Variants in NKAIN3 observed in about 807,000 individuals in gnomAD.
The protein encoded by NKAIN3 is sodium/potassium transporting ATPase interacting 3.
NKAIN3 carries 25 observed loss-of-function variants against 30.2 expected under a neutral mutation model. The ratio of observed to expected loss-of-function variants is 0.83; its 90% confidence interval spans 0.60 to 1.16. NKAIN3 has a LOEUF of 1.16. Ranked by LOEUF, NKAIN3 falls within the 50% of genes most tolerant of loss-of-function variation. NKAIN3 has a pLI of 0.00. For missense variants in NKAIN3, 225 were observed against 254.1 expected (o/e 0.89, Z 0.78); for synonymous variants, 91 against 89.6 (o/e 1.02, Z -0.09).
At position 62,305,542 on chromosome 8, in the gene NKAIN3, G is replaced by A. The variant is rs1043691173; in HGVS notation, c.54+56415G>A. Among the ~76,000 whole-genome samples the A allele has an allele frequency of 3.3e-5, 5 of 150,382 alleles. 1 individual carries two copies. Among genetic ancestry groups the A allele is most frequent in the African/African-American group, 1.3e-4 (5 of 39,870 alleles). On this transcript the variant is annotated intron_variant, in intron 1 of 6. Transcript: ENST00000623646. Reference sequence around the variant, plus strand: ...TTGACAAATGCATTCCTAGAGAATCGCTATTTTTAAAACTCAAGTTTCAAC... The same window carrying A: ...TTGACAAATGCATTCCTAGAGAATCACTATTTTTAAAACTCAAGTTTCAAC...
At chr8:62,634,429 G>A (rs1812064092) in intron 3 of NKAIN3, among the ~76,000 whole-genome samples, 1 of 152,116 alleles carries the variant, frequency 6.6e-6, no homozygotes, top group Admixed American at 6.5e-5. Context: ...ATTTGAGACT[G>A]ACCTCCCTTC....
intron 4 of NKAIN3, among the ~76,000 whole-genome samples, chr8:62,892,457 T>C (rs1821322116): frequency 6.6e-6 from 1 of 152,230 alleles, no homozygotes; most frequent in African/African-American, 2.4e-5. Flanking sequence ...TAATGAAGTA[T>C]GAATTAGTTA....
chr8:62,742,540 C>A (rs1251694692), intron 3 of NKAIN3, among the ~76,000 whole-genome samples: 2 of 152,154 alleles, frequency 1.3e-5, no homozygotes, highest in African/African-American at 4.8e-5. Context: ...TATTCTGCTA[C>A]CCTGGACATA....
chr8:62,383,673 C>T (rs542793452), intron 1 of NKAIN3: 79 of 383,770 alleles, frequency 2.1e-4, no homozygotes, highest in East Asian at 9.3e-4. Context: ...CTCCAACTTT[C>T]GGTCCTTCAC....
intron 3 of NKAIN3, among the ~76,000 whole-genome samples, chr8:62,647,087 G>T (rs1291272667): frequency 2.0e-5 from 3 of 152,080 alleles, no homozygotes; most frequent in African/African-American, 7.2e-5. Flanking sequence ...GAAGACAAAC[G>T]TTGAGATTCA....
intron 5 of NKAIN3, among the ~76,000 whole-genome samples, chr8:62,922,454 T>A (rs1822308679): frequency 6.6e-6 from 1 of 152,182 alleles, no homozygotes; most frequent in Non-Finnish European, 1.5e-5. Context: ...TTTTCCAACT[T>A]ATAATGTATG....
chr8:62,339,722 G>T (rs10107996), intron 1 of NKAIN3, among the ~76,000 whole-genome samples: 1 of 151,904 alleles, frequency 6.6e-6, no homozygotes, highest in African/African-American at 2.4e-5. Context: ...CCTAAGAGGC[G>T]TCAGAAATCA....
At chr8:62,660,107 A>C (rs188729337) in intron 3 of NKAIN3, among the ~76,000 whole-genome samples, 2 of 152,186 alleles carry the variant, frequency 1.3e-5, no homozygotes, top group Admixed American at 1.3e-4. Context: ...ACCTAGAGCC[A>C]CTCCCAAGTT....
Position 62,974,771 on chromosome 8 carries a change from C to T in NKAIN3, c.*9364C>T, listed in dbSNP as rs1823908005. 1.3e-5 allele frequency among the ~76,000 whole-genome samples: 2 copies of T among 152,106 alleles called. No individual in the cohort carries two copies. Among genetic ancestry groups the T allele is most frequent in the South Asian group, 2.1e-4 (1 of 4,826 alleles). On this transcript the variant is annotated 3_prime_UTR_variant, in exon 7 of 7. Coordinates refer to ENST00000623646, the MANE Select transcript of NKAIN3 (RefSeq NM_001304533.3). ...CAAAGGGAGTGCTTCCAGTTTTTGC[C>T]CATTCAGTGTGATATTGGCTGTGGG...
intron 1 of NKAIN3, among the ~76,000 whole-genome samples, chr8:62,527,882 G>GGTGTGTGTGTGTGTGTGT (rs68020312): frequency 6.3e-5 from 9 of 143,690 alleles, no homozygotes; most frequent in Non-Finnish European, 7.6e-5. Flanking sequence ...ACTTTTTTTT[G>GGTGTGTGTGTGTGTGTGT]GTGTGTGTGT....
chr8:62,250,720 T>C (rs1408568959), intron 1 of NKAIN3, among the ~76,000 whole-genome samples: 2 of 152,224 alleles, frequency 1.3e-5, no homozygotes, highest in Non-Finnish European at 2.9e-5. Context: ...ATTGTGATGA[T>C]AATGTTTTTG....
chr8:62,725,074 T>A (rs1815213487), intron 3 of NKAIN3, among the ~76,000 whole-genome samples: 1 of 152,266 alleles, frequency 6.6e-6, no homozygotes, highest in East Asian at 1.9e-4. Flanking sequence ...ATAAGCCATT[T>A]TAACTGGAGT....
At chr8:62,675,902 C>A (rs1164178740) in intron 3 of NKAIN3, among the ~76,000 whole-genome samples, 1 of 152,178 alleles carries the variant, frequency 6.6e-6, no homozygotes, top group African/African-American at 2.4e-5. Flanking sequence ...ATTTATTTGA[C>A]ATTGTTTTCT....
At chr8:62,836,007 T>TA (rs529860514) in intron 4 of NKAIN3, among the ~76,000 whole-genome samples, 24 of 151,716 alleles carry the variant, frequency 1.6e-4, no homozygotes, top group South Asian at 1.2e-3. Context: ...ATGCAGGCAT[T>TA]AAAAAAAAGC....
At chr8:62,361,982 G>T (rs1172284298) in intron 1 of NKAIN3, among the ~76,000 whole-genome samples, 1 of 152,022 alleles carries the variant, frequency 6.6e-6, no homozygotes, top group African/African-American at 2.4e-5. Flanking sequence ...TTCAAGTTGG[G>T]CCAAGTGTAC....
intron 3 of NKAIN3, among the ~76,000 whole-genome samples, chr8:62,664,704 T>C (rs1175576260): frequency 5.9e-5 from 9 of 152,142 alleles, no homozygotes; most frequent in Non-Finnish European, 8.8e-5. Context: ...GAACATGAGA[T>C]TGTAATGCCG....
chr8:62,717,942 C>A (rs1814959597), intron 3 of NKAIN3, among the ~76,000 whole-genome samples: 1 of 152,114 alleles, frequency 6.6e-6, no homozygotes, highest in African/African-American at 2.4e-5. Flanking sequence ...TGAGACTGGG[C>A]AATTCACAAA....
intron 3 of NKAIN3, among the ~76,000 whole-genome samples, chr8:62,615,258 G>T (rs968499819): frequency 6.6e-6 from 1 of 152,162 alleles, no homozygotes; most frequent in East Asian, 1.9e-4. Context: ...AAGGCAACAG[G>T]GTGTGCCTAG....
At chr8:62,387,716 A>T (rs963660193) in intron 1 of NKAIN3, among the ~76,000 whole-genome samples, 1 of 152,196 alleles carries the variant, frequency 6.6e-6, no homozygotes, top group African/African-American at 2.4e-5. Context: ...TGAGAAAGTC[A>T]CTTAACCACG....
Sources: gnomAD v4.1 joint callset for allele counts (sites outside exome capture counted in the v4.1 genomes callset) on GRCh38, gnomAD v4.1.1 for gene constraint, MANE v1.5 for transcripts, NCBI Gene and HGNC (gene_info 2026-07-23, HGNC 2026-07-21) for gene names.